TRIM39: variants seen among roughly 807,000 people sequenced by gnomAD.
The protein encoded by TRIM39 is tripartite motif containing 39, also known as E3 ubiquitin-protein ligase TRIM39.
A neutral mutation model predicts 53.6 loss-of-function variants in TRIM39; 5 were observed. The observed-to-expected ratio is 0.09, with a 90% CI of 0.05 to 0.20. The LOEUF is 0.20. Among genes scored for constraint, TRIM39 ranks in the 10% least tolerant of loss-of-function variants. The pLI is 1.00. For missense variants in TRIM39, 310 were observed against 621.0 expected, an observed-to-expected ratio of 0.50 and a Z score of 5.32; for synonymous variants, 196 against 237.6, an observed-to-expected ratio of 0.82 and a Z score of 1.61.
In TRIM39 at chr6:30,329,300, C is replaced by G. The variant is rs1785838382; in HGVS notation, c.-7-11C>G. On this transcript the variant is annotated splice_polypyrimidine_tract_variant and intron_variant, in intron 2 of 7. Transcript: ENST00000396551. ...ATTTTTATTTTCTCTGTCCTCTTCC[C>G]CACTCCCAAGTTAAATTATGGCAGA... The G allele has an allele frequency of 6.3e-7, 1 of 1,599,608 alleles. No individual in the cohort carries two copies. The highest frequency in any genetic ancestry group is 1.3e-5 in the African/African-American group (1 of 74,222).
chr6:30,329,921 T>G (rs1785914339), intron 3 of TRIM39, 151 bp downstream of exon 3: 2 of 1,241,604 alleles, frequency 1.6e-6, no homozygotes, highest in African/African-American at 1.5e-5. Flanking sequence ...TGTGATCAGT[T>G]GTCCTCTAGC....
Position 30,335,680 on chromosome 6 carries a change from G to A in TRIM39, c.550-65G>A, listed in dbSNP as rs1015008870. The A allele has an allele frequency of 1.2e-5, 19 of 1,543,054 alleles. No individual in the cohort carries two copies. In the African/African-American group the frequency reaches 2.2e-4, roughly 18 times the overall value. On this transcript the variant is annotated intron_variant, in intron 4 of 7. Coordinates refer to ENST00000396551, the Ensembl canonical transcript of TRIM39. The surrounding 1 kb of genome is among the most constrained non-coding windows in gnomAD (Gnocchi z 4.7). Reference sequence around the variant, plus strand: ...CTGTGTTAATTCATACATATGGTGGGTGAGAGAAAGGCTTCCTTATACCAC... The same window carrying A: ...CTGTGTTAATTCATACATATGGTGGATGAGAGAAAGGCTTCCTTATACCAC...
At position 30,335,625 on chromosome 6, in the gene TRIM39, T is replaced by A. The variant is rs547853778; in HGVS notation, c.550-120T>A. 5.1e-4 allele frequency: 689 copies of A among 1,352,914 alleles called. No individual in the cohort carries two copies. Among genetic ancestry groups the A allele is most frequent in the Non-Finnish European group, 6.3e-4 (638 of 1,010,730 alleles). 83.8% of individuals were successfully genotyped at this position (1,352,914 alleles called of 1,614,324 possible). ...GTCATGTGTCACCACACCCAGCCTT[T>A]GTTAAACCATTTTCAATGAAACTGG... On this transcript the variant is annotated intron_variant, in intron 4 of 7. Transcript: ENST00000396551. This position sits in a 1 kb window ranked among gnomAD's most constrained non-coding sequence, Gnocchi z 4.7.
rs374179491 is a variant in TRIM39 at position 30,335,838 on chromosome 6, C to A, written c.643C>A (p.Leu215Met). The change falls in exon 5 of 8, where the codon CTG becomes ATG. Residue 215 changes from leucine (L) to methionine (M), a missense_variant. Coordinates refer to ENST00000396551, the Ensembl canonical transcript of TRIM39. The surrounding 1 kb of genome is among the most constrained non-coding windows in gnomAD (Gnocchi z 4.7). The stretch of plus-strand genomic sequence containing the variant: ...AGAGCAGCAGGTGTTGCTTTCACGA[C>A]TGGAAGAAGAGGAACAGGACATTCT... 2 of 1,612,864 alleles carry A rather than the reference C, an allele frequency of 1.2e-6. No individual in the cohort carries two copies. Among genetic ancestry groups the A allele is most frequent in the Non-Finnish European group, 1.7e-6 (2 of 1,180,028 alleles).
At chr6:30,327,867 G>C (rs1311308030) in intron 1 of TRIM39, among the ~76,000 whole-genome samples, 1 of 152,202 alleles carries the variant, frequency 6.6e-6, no homozygotes, top group African/African-American at 2.4e-5. Flanking sequence ...AAACACATTT[G>C]TGTGTGCCAA....
intron 4 of TRIM39, 85 bp downstream of exon 4, chr6:30,330,961 T>C: frequency 6.8e-7 from 1 of 1,465,016 alleles, no homozygotes; most frequent in African/African-American, 1.4e-5. Context: ...ATCCACCAGT[T>C]CCGGTTCATT....
intron 3 of TRIM39, 54 bp downstream of exon 3, chr6:30,329,824 G>A (rs986495966): frequency 3.2e-6 from 5 of 1,575,022 alleles, no homozygotes; most frequent in East Asian, 2.2e-5. Flanking sequence ...AAGCGGCAGA[G>A]GATGAGATAC....
chr6:30,340,292 G>A (rs767235320), intron 6 of TRIM39: 1 of 1,613,032 alleles, frequency 6.2e-7, no homozygotes, highest in South Asian at 1.1e-5. Flanking sequence ...AGAAAGTTCG[G>A]AGGCTCACTC....
chr6:30,335,940 G>T lies in TRIM39; in HGVS notation c.745G>T (p.Gly249Cys). The T allele has an allele frequency of 6.2e-7, 1 of 1,612,906 alleles. No individual in the cohort carries two copies. Among genetic ancestry groups the T allele is most frequent in the Non-Finnish European group, 8.5e-7 (1 of 1,180,028 alleles). ...GGCCCACTTGGCTGCCGAGGTGGAG[G>T]GCAAGTGCTTACAGTCAGGCTTCGA... is the stretch of plus-strand genomic sequence containing the variant. The change falls in exon 5 of 8, where the codon GGC becomes TGC. Residue 249 changes from glycine (G) to cysteine (C), a missense_variant. This residue lies in a region of TRIM39 where 161 missense variants were observed against 210.0 expected (regional missense o/e 0.77). Coordinates refer to ENST00000396551, the Ensembl canonical transcript of TRIM39. The surrounding 1 kb of genome is among the most constrained non-coding windows in gnomAD (Gnocchi z 4.7).
At chr6:30,333,005 A>T (rs1786377764) in intron 4 of TRIM39, among the ~76,000 whole-genome samples, 1 of 152,246 alleles carries the variant, frequency 6.6e-6, no homozygotes, top group East Asian at 1.9e-4. Context: ...AATTGATGAT[A>T]AAATGTGGTA....
intron 5 of TRIM39, 69 bp downstream of exon 5, chr6:30,336,044 T>C: frequency 6.3e-7 from 1 of 1,588,394 alleles, no homozygotes; most frequent in Non-Finnish European, 8.6e-7. Flanking sequence ...CTGGGATTTG[T>C]CAGCCTGGGA....
chr6:30,328,776 G>C (rs912673044), intron 1 of TRIM39, 113 bp from the exon 2 acceptor site: 2 of 152,752 alleles, frequency 1.3e-5, no homozygotes, highest in East Asian at 3.8e-4. Flanking sequence ...AACAGTGTCA[G>C]AGAATCAAGC....
Position 30,338,711 on chromosome 6 carries a change from A to C in TRIM39, c.781-1197A>C, listed in dbSNP as rs114394196. ...AAACATGGTGCCAGTAGACTTGCTCAACACAGGTTGCCACAAACCATCTAT... is the reference window on the plus strand; with the variant it reads ...AAACATGGTGCCAGTAGACTTGCTCCACACAGGTTGCCACAAACCATCTAT... On this transcript the variant is annotated intron_variant, in intron 5 of 7. Transcript: ENST00000396551. This position sits in a 1 kb window ranked among gnomAD's most constrained non-coding sequence, Gnocchi z 4.0. 4.9e-4 allele frequency among the ~76,000 whole-genome samples: 74 copies of C among 152,032 alleles called. No individual in the cohort carries two copies. Among genetic ancestry groups the C allele is most frequent in the African/African-American group, 1.7e-3 (69 of 41,438 alleles).
At chr6:30,343,313 T>C (rs890652041) in exon 8 of TRIM39, 4 of 152,682 alleles carry the variant, frequency 2.6e-5, no homozygotes, top group African/African-American at 9.6e-5. Context: ...AAGGGCCAGA[T>C]AGGCAACTTC....
At chr6:30,328,802 T>C (rs1412274185) in intron 1 of TRIM39, 87 bp from the exon 2 acceptor site, 1 of 153,240 alleles carries the variant, frequency 6.5e-6, no homozygotes, top group African/African-American at 2.4e-5. Flanking sequence ...CTCCAGTGGA[T>C]TAATCATAAA....
chr6:30,335,040 G>A lies in TRIM39; in HGVS notation c.550-705G>A, dbSNP rs905074825. Among the ~76,000 whole-genome samples the A allele has an allele frequency of 6.6e-6, 1 of 151,942 alleles. No individual in the cohort carries two copies. Among genetic ancestry groups the A allele is most frequent in the Non-Finnish European group, 1.5e-5 (1 of 68,024 alleles). On this transcript the variant is annotated intron_variant, in intron 4 of 7. Transcript: ENST00000396551. The surrounding 1 kb of genome is among the most constrained non-coding windows in gnomAD (Gnocchi z 4.7). ...GCTGAGCCTATACTTTCCTTTTCTC[G>A]ACAGATTGAATTAACTAGAACTTTA...
In TRIM39 at chr6:30,335,726, A is replaced by G; in HGVS notation, c.550-19A>G. On this transcript the variant is annotated intron_variant, in intron 4 of 7. Transcript: ENST00000396551. The surrounding 1 kb of genome is among the most constrained non-coding windows in gnomAD (Gnocchi z 4.7). ...ACCACACTGACCCTGCTGATACAACATCTTCCCTCTCTTCTCAGAGACTAG... is the reference window on the plus strand; with the variant it reads ...ACCACACTGACCCTGCTGATACAACGTCTTCCCTCTCTTCTCAGAGACTAG... 4.3e-6 allele frequency: 7 copies of G among 1,611,312 alleles called. No homozygotes were observed. Among genetic ancestry groups the G allele is most frequent in the Non-Finnish European group, 5.9e-6 (7 of 1,179,258 alleles).
intron 1 of TRIM39, among the ~76,000 whole-genome samples, chr6:30,328,388 T>C (rs999902191): frequency 6.6e-6 from 1 of 152,244 alleles, no homozygotes; most frequent in African/African-American, 2.4e-5. Context: ...AGAAATGGAA[T>C]GTTGCGTGAA....
At position 30,335,998 on chromosome 6, in the gene TRIM39, GCCCCT is replaced by G; in HGVS notation, c.780+25_780+29del. 6.2e-7 allele frequency: 1 copy of G among 1,612,562 alleles called. No individual in the cohort carries two copies. On this transcript the variant is annotated intron_variant, in intron 5 of 7. Transcript: ENST00000396551. The surrounding 1 kb of genome is among the most constrained non-coding windows in gnomAD (Gnocchi z 4.7). ...AAGGTTCGACCTTTGCCCCTGCATA[GCCCCT>G]CAGGCTGAGTGCAGCGTAGCTTTGC...
Sources: gnomAD v4.1 joint callset for allele counts (sites outside exome capture counted in the v4.1 genomes callset) on GRCh38, gnomAD v4.1.1 for gene constraint, gnomAD v4.1.1 regional missense constraint, Gnocchi (gnomAD v3.1) non-coding constraint, MANE v1.5 for transcripts, NCBI Gene and HGNC (gene_info 2026-07-23, HGNC 2026-07-21) for gene names.